The following BMERB1 variants were observed in gnomAD, a reference collection of about 807,000 sequenced individuals.
The protein encoded by BMERB1 is bMERB domain containing 1.
Under a neutral mutation model 23.6 loss-of-function variants are expected in BMERB1, and 12 were observed. The ratio of observed to expected loss-of-function variants is 0.51; its 90% CI spans 0.33 to 0.82. The LOEUF is 0.82. Among genes scored for constraint, BMERB1 ranks in the 40% least tolerant of loss-of-function variants. The pLI is 0.03. For missense variants in BMERB1, 247 were observed against 255.4 expected, an observed-to-expected ratio of 0.97 and a Z score of 0.22; for synonymous variants, 122 against 96.6, an observed-to-expected ratio of 1.26 and a Z score of -1.54.
chr16:15,538,415 G>T (rs1341504104), intron 2 of BMERB1, among the ~76,000 whole-genome samples: 1 of 151,756 alleles, frequency 6.6e-6, no homozygotes, highest in Non-Finnish European at 1.5e-5. Context: ...ATGTGCCAGT[G>T]CACTCCAGCC....
intron 1 of BMERB1, among the ~76,000 whole-genome samples, chr16:15,514,998 C>T (rs1181844338): frequency 4.6e-5 from 7 of 152,148 alleles, no homozygotes; most frequent in South Asian, 2.1e-4. Context: ...AGGAGAATGG[C>T]GTGAACCTGG....
chr16:15,520,314 G>A (rs1341937743), intron 2 of BMERB1, among the ~76,000 whole-genome samples: 1 of 151,802 alleles, frequency 6.6e-6, no homozygotes, highest in Non-Finnish European at 1.5e-5. Flanking sequence ...CTTTTACAAC[G>A]CAAGGACAAA....
chr16:15,458,608 T>C (rs1354230049), intron 1 of BMERB1, among the ~76,000 whole-genome samples: 2 of 151,396 alleles, frequency 1.3e-5, no homozygotes, highest in African/African-American at 4.9e-5. Flanking sequence ...TTCCAGCTAC[T>C]TGGGGGGCTG....
At chr16:15,533,956 T>G (rs2150960439) in intron 2 of BMERB1, among the ~76,000 whole-genome samples, 2 of 152,212 alleles carry the variant, frequency 1.3e-5, no homozygotes, top group South Asian at 4.2e-4. Flanking sequence ...GTCTGTACAT[T>G]TCCAGGGGCT....
At chr16:15,568,788 T>TAC (rs1422381424) in intron 3 of BMERB1, among the ~76,000 whole-genome samples, 4 of 152,220 alleles carry the variant, frequency 2.6e-5, no homozygotes, top group Non-Finnish European at 5.9e-5. Context: ...ATGAAGTGTG[T>TAC]ACAAACTCTA....
chr16:15,570,633 G>A (rs1596400983), intron 3 of BMERB1, among the ~76,000 whole-genome samples: 2 of 152,274 alleles, frequency 1.3e-5, no homozygotes, highest in African/African-American at 4.8e-5. Flanking sequence ...AATTTAGGGC[G>A]AGTCCGTAAA....
At chr16:15,517,060 C>T (rs1279455803) in intron 2 of BMERB1, among the ~76,000 whole-genome samples, 1 of 152,212 alleles carries the variant, frequency 6.6e-6, no homozygotes, top group Non-Finnish European at 1.5e-5. Context: ...GAGCTAAATG[C>T]TTCCCATGCA....
intron 2 of BMERB1, among the ~76,000 whole-genome samples, chr16:15,522,897 C>T (rs1225184208): frequency 6.6e-6 from 1 of 152,144 alleles, no homozygotes; most frequent in Non-Finnish European, 1.5e-5. Flanking sequence ...TATCTATAGG[C>T]GGCTTGTGTT....
intron 2 of BMERB1, among the ~76,000 whole-genome samples, chr16:15,553,719 A>T (rs1189079138): frequency 1.3e-5 from 2 of 152,232 alleles, no homozygotes; most frequent in Non-Finnish European, 2.9e-5. Context: ...CGTGAGTTGT[A>T]CCAAAACAGG....
intron 1 of BMERB1, among the ~76,000 whole-genome samples, chr16:15,490,630 G>T (rs2051411718): frequency 6.6e-6 from 1 of 152,028 alleles, no homozygotes; most frequent in Non-Finnish European, 1.5e-5. Flanking sequence ...TGTGATCCTG[G>T]GTGCGTGTGC....
At chr16:15,521,477 G>T (rs904209549) in intron 2 of BMERB1, among the ~76,000 whole-genome samples, 1 of 152,136 alleles carries the variant, frequency 6.6e-6, no homozygotes. Context: ...CACATCAAAT[G>T]CTTACTAACA....
intron 5 of BMERB1, among the ~76,000 whole-genome samples, chr16:15,586,082 A>G (rs1279065732): frequency 1.3e-5 from 2 of 152,218 alleles, no homozygotes; most frequent in East Asian, 3.8e-4. Context: ...TTTTATCAAT[A>G]AAGTAAAAAC....
chr16:15,529,088 G>C (rs1250460929), intron 2 of BMERB1, among the ~76,000 whole-genome samples: 1 of 152,198 alleles, frequency 6.6e-6, no homozygotes, highest in African/African-American at 2.4e-5. Context: ...GCAGTGGTGC[G>C]ATCTTGGCTC....
At chr16:15,521,853 C>T (rs532190472) in intron 2 of BMERB1, among the ~76,000 whole-genome samples, 12 of 152,266 alleles carry the variant, frequency 7.9e-5, no homozygotes, top group Admixed American at 1.3e-4. Context: ...CCACCCACCT[C>T]CTAGTACCTC....
At chr16:15,478,134 A>G (rs1484721740) in intron 1 of BMERB1, among the ~76,000 whole-genome samples, 1 of 151,732 alleles carries the variant, frequency 6.6e-6, no homozygotes, top group Admixed American at 6.6e-5. Context: ...CATTCAAGTC[A>G]TAAAGATAGC....
intron 2 of BMERB1, among the ~76,000 whole-genome samples, chr16:15,562,652 C>G (rs1437305239): frequency 1.3e-5 from 2 of 152,148 alleles, no homozygotes; most frequent in African/African-American, 4.8e-5. Context: ...AACCACACCC[C>G]TCCCCAACAC....
intron 1 of BMERB1, among the ~76,000 whole-genome samples, chr16:15,464,860 T>C (rs2051168265): frequency 6.6e-6 from 1 of 152,188 alleles, no homozygotes; most frequent in Non-Finnish European, 1.5e-5. Context: ...ACCTGTATCT[T>C]GTGACCTCCT....
intron 1 of BMERB1, among the ~76,000 whole-genome samples, chr16:15,511,214 C>T (rs938377535): frequency 2.6e-5 from 4 of 152,080 alleles, no homozygotes; most frequent in African/African-American, 9.7e-5. Flanking sequence ...CCTCTGCAAA[C>T]AGACATCGCT....
intron 1 of BMERB1, among the ~76,000 whole-genome samples, chr16:15,440,779 A>G (rs1314026812): frequency 6.6e-6 from 1 of 152,216 alleles, no homozygotes; most frequent in Non-Finnish European, 1.5e-5. Flanking sequence ...ATTTCTCGAC[A>G]AAGTCCCTGC....
Sources: allele counts gnomAD v4.1 joint callset (sites outside exome capture counted in the v4.1 genomes callset), GRCh38; gene constraint gnomAD v4.1.1; transcripts MANE v1.5; gene names NCBI Gene and HGNC (gene_info 2026-07-23, HGNC 2026-07-21).